Variants in DAAM2 observed in about 807,000 individuals in gnomAD.
The protein encoded by DAAM2 is disheveled-associated activator of morphogenesis 2.
A neutral mutation model predicts 120.7 loss-of-function variants in DAAM2; 39 were observed. The observed-to-expected ratio is 0.32, with a 90% confidence interval of 0.25 to 0.42. DAAM2 has a LOEUF of 0.42. Ranked by LOEUF, DAAM2 falls within the 10% of genes least tolerant of loss-of-function variation. The pLI is 1.00. For synonymous variants in DAAM2, 488 were observed against 524.9 expected, an observed-to-expected ratio of 0.93 and a Z score of 0.96; for missense variants, 1,283 against 1,401.7, an observed-to-expected ratio of 0.92 and a Z score of 1.35.
chr6:39,868,843 C>T lies in DAAM2; in HGVS notation c.783C>T (p.Asp261=). 6.3e-7 allele frequency: 1 copy of T among 1,582,966 alleles called. No homozygotes were observed. The highest frequency in any genetic ancestry group is 8.6e-7 in the Non-Finnish European group (1 of 1,164,484). ...CCTAGACCCTGCTGAACGAGCTAGA[C>T]CGAAGTCTGGGCCGGTACCGGGATG... is the stretch of plus-strand genomic sequence containing the variant. The part of the protein sequence containing the change: ...TRFQTLLNEL[D]RSLGRYRDEV... Residue 261 remains aspartate (D), a synonymous_variant, in exon 7 of 25, where the codon GAC becomes GAT. Coordinates refer to ENST00000274867, the MANE Select transcript of DAAM2 (RefSeq NM_001201427.2).
At chr6:39,871,232 A>T (rs571971926) in intron 8 of DAAM2, among the ~76,000 whole-genome samples, 107 of 152,282 alleles carry the variant, frequency 7.0e-4, no homozygotes, top group African/African-American at 2.5e-3. Context: ...ACCAAAGATA[A>T]GCGAGCCCAA....
chr6:39,816,780 G>T (rs1762322368), intron 1 of DAAM2, among the ~76,000 whole-genome samples: 1 of 152,170 alleles, frequency 6.6e-6, no homozygotes, highest in Non-Finnish European at 1.5e-5. Flanking sequence ...TTTTCTCAAA[G>T]GCTCCACACT....
At chr6:39,854,532 T>C (rs967996502) in intron 1 of DAAM2, among the ~76,000 whole-genome samples, 5 of 152,056 alleles carry the variant, frequency 3.3e-5, no homozygotes, top group African/African-American at 1.2e-4. Context: ...AAAGAGAAAA[T>C]GGAGCTGGTA....
At position 39,856,394 on chromosome 6, in the gene DAAM2, A is replaced by C; in HGVS notation, c.92A>C (p.His31Pro). The C allele has an allele frequency of 6.5e-7, 1 of 1,549,802 alleles. No individual in the cohort carries two copies. ...CCCGAAATCAACCTCCGGGACAACC[A>C]CCCTCTGCAGTTCATGGAGTTCTCC... ...DIPEINLRDN[H>P]PLQFMEFSSP... The change falls in exon 2 of 25, where the codon CAC becomes CCC. Residue 31 changes from histidine (H) to proline (P), a missense_variant. Around this residue, in one of 3 missense-constraint regions of DAAM2, gnomAD observed 197 missense variants for 189.3 expected, o/e 1.04. Coordinates refer to ENST00000274867, the MANE Select transcript of DAAM2 (RefSeq NM_001201427.2).
At chr6:39,887,236 AAAAT>A in intron 15 of DAAM2, 1 of 409,154 alleles carries the variant, frequency 2.4e-6, no homozygotes, top group Non-Finnish European at 4.4e-6. Flanking sequence ...AATCTCTAAA[AAAAT>A]AAAAAAAATA....
At chr6:39,851,359 TG>T (rs1763800459) in intron 1 of DAAM2, among the ~76,000 whole-genome samples, 1 of 152,232 alleles carries the variant, frequency 6.6e-6, no homozygotes, top group Non-Finnish European at 1.5e-5. Context: ...ACAGTTTTTG[TG>T]GCTTTTGTTT....
At position 39,851,758 on chromosome 6, in the gene DAAM2, C is replaced by T. The variant is rs544182715; in HGVS notation, c.-56-4489C>T. On this transcript the variant is annotated intron_variant, in intron 1 of 24. Coordinates refer to ENST00000274867, the MANE Select transcript of DAAM2 (RefSeq NM_001201427.2). Reference sequence around the variant, plus strand: ...CTTGGGAAGCCTTTGGGAATAGGATCGCGCAGGCAGTATGAAAGGTCAGAG... The same window carrying T: ...CTTGGGAAGCCTTTGGGAATAGGATTGCGCAGGCAGTATGAAAGGTCAGAG... Among the ~76,000 whole-genome samples, 3 of 152,276 alleles carry T rather than the reference C, an allele frequency of 2.0e-5. No homozygotes were observed. In the East Asian group the frequency reaches 5.8e-4, roughly 29 times the overall value.
intron 1 of DAAM2, among the ~76,000 whole-genome samples, chr6:39,808,268 C>T (rs771767678): frequency 6.6e-6 from 1 of 152,132 alleles, no homozygotes; most frequent in Non-Finnish European, 1.5e-5. Flanking sequence ...AATTCTGGAG[C>T]CTTCTTTCTC....
chr6:39,830,728 G>T (rs1012063286), intron 1 of DAAM2, among the ~76,000 whole-genome samples: 25 of 152,166 alleles, frequency 1.6e-4, no homozygotes, highest in Non-Finnish European at 2.5e-4. Flanking sequence ...GCAGCAGGAG[G>T]GGGTGGCGAG....
chr6:39,869,120 C>T (rs926877436), intron 7 of DAAM2, among the ~76,000 whole-genome samples, 187 bp downstream of exon 7: 8 of 152,068 alleles, frequency 5.3e-5, no homozygotes, highest in African/African-American at 9.7e-5. Flanking sequence ...GATGATGGCT[C>T]AGGGTGGCAG....
chr6:39,867,942 A>G (rs1764498435), intron 6 of DAAM2, 99 bp downstream of exon 6: 1 of 1,094,008 alleles, frequency 9.1e-7, no homozygotes, highest in South Asian at 1.5e-5. Context: ...AAACTGGGGG[A>G]AAAGGAAAGT....
rs532675543 is a variant in DAAM2 at position 39,833,350 on chromosome 6, G to A, written c.-56-22897G>A. 4.6e-5 allele frequency among the ~76,000 whole-genome samples: 7 copies of A among 151,926 alleles called. No homozygotes were observed. In the East Asian group the frequency reaches 1.4e-3, roughly 29 times the overall value. On this transcript the variant is annotated intron_variant, in intron 1 of 24. Coordinates refer to ENST00000274867, the MANE Select transcript of DAAM2 (RefSeq NM_001201427.2). ...ATGGGAGTCTCGCTCTGTCGCCCAGGCTGGAATGCAGTGGTGTGATCTCAG... is the reference window on the plus strand; with the variant it reads ...ATGGGAGTCTCGCTCTGTCGCCCAGACTGGAATGCAGTGGTGTGATCTCAG...
intron 1 of DAAM2, among the ~76,000 whole-genome samples, chr6:39,811,939 G>A (rs1396529773): frequency 6.6e-6 from 1 of 152,124 alleles, no homozygotes; most frequent in South Asian, 2.1e-4. Flanking sequence ...AGGATGCAGG[G>A]CCCCTGTAGA....
intron 1 of DAAM2, among the ~76,000 whole-genome samples, chr6:39,852,101 A>G (rs1342779254): frequency 1.3e-5 from 2 of 152,154 alleles, no homozygotes; most frequent in East Asian, 3.9e-4. Flanking sequence ...AGGAGACAGG[A>G]TGTGGAGGGC....
rs547015644 is a variant in DAAM2, at chr6:39,878,960, G to A, written c.1546-218G>A. ...CTCTGATTGTCCAGTGTCCGTGTGC[G>A]TGACGTGTGTGTGTCTGTGGTGGTG... On this transcript the variant is annotated intron_variant, in intron 13 of 24. Coordinates refer to ENST00000274867, the MANE Select transcript of DAAM2 (RefSeq NM_001201427.2). This position sits in a 1 kb window ranked among gnomAD's most constrained non-coding sequence, Gnocchi z 5.0. 6.6e-5 allele frequency among the ~76,000 whole-genome samples: 10 copies of A among 152,160 alleles called. No individual in the cohort carries two copies. Among genetic ancestry groups the A allele is most frequent in the African/African-American group, 1.4e-4 (6 of 41,500 alleles).
At chr6:39,824,636 T>C (rs1762603428) in intron 1 of DAAM2, among the ~76,000 whole-genome samples, 1 of 152,090 alleles carries the variant, frequency 6.6e-6, no homozygotes, top group Admixed American at 6.5e-5. Context: ...ACAGAGAACT[T>C]TGCATCAGCA....
At chr6:39,812,098 G>A (rs1221199170) in intron 1 of DAAM2, among the ~76,000 whole-genome samples, 1 of 152,182 alleles carries the variant, frequency 6.6e-6, no homozygotes, top group Admixed American at 6.5e-5. Flanking sequence ...CAAAGAGCAT[G>A]TTAGGAGGGG....
Position 39,864,503 on chromosome 6 carries a change from C to T in DAAM2, c.329C>T (p.Ala110Val). 2 of 1,609,390 alleles carry T rather than the reference C, an allele frequency of 1.2e-6. No homozygotes were observed. Among genetic ancestry groups the T allele is most frequent in the Non-Finnish European group, 1.7e-6 (2 of 1,178,564 alleles). ...TACATCGACCGCATCAATTCCATGG[C>T]TGCGGTGAGTGGCTGCCCCTCTCCT... ...DYYIDRINSM[A>V]AMQSLYAFDE... Residue 110 changes from alanine (A) to valine (V), a missense_variant, in exon 4 of 25, where the codon GCT (alanine) becomes GTT (valine). Physicochemically the swap from Ala to Val is moderately conservative, Grantham distance 64. This residue lies in a region of DAAM2 where 197 missense variants were observed against 189.3 expected (regional missense o/e 1.04). Transcript: ENST00000274867.
rs764635217 is a variant in DAAM2 at position 39,901,252 on chromosome 6, C to T, written c.2812-50C>T. The stretch of plus-strand genomic sequence containing the variant: ...ACCCAGCTAACCTCAGGGGCTGAGC[C>T]CAGCATGCTCCAGGGCACTCTCCAC... On this transcript the variant is annotated intron_variant, in intron 23 of 24. Coordinates refer to ENST00000274867, the MANE Select transcript of DAAM2 (RefSeq NM_001201427.2). This position sits in a 1 kb window ranked among gnomAD's most constrained non-coding sequence, Gnocchi z 4.5. The T allele has an allele frequency of 5.1e-6, 8 of 1,557,034 alleles. No homozygotes were observed. Among genetic ancestry groups the T allele is most frequent in the Non-Finnish European group, 7.0e-6 (8 of 1,139,048 alleles).
Sources: gnomAD v4.1 joint callset for allele counts (sites outside exome capture counted in the v4.1 genomes callset) on GRCh38, gnomAD v4.1.1 for gene constraint, gnomAD v4.1.1 regional missense constraint, Gnocchi (gnomAD v3.1) non-coding constraint, MANE v1.5 for transcripts, NCBI Gene and HGNC (gene_info 2026-07-23, HGNC 2026-07-21) for gene names.